The following PCDH15 variants were observed in gnomAD, a reference collection of about 807,000 sequenced individuals.
PCDH15 encodes the protein protocadherin-15.
PCDH15 carries 129 observed loss-of-function variants against 178.5 expected under a neutral mutation model. That is an observed-to-expected ratio of 0.72 (90% CI 0.63 to 0.84). The LOEUF (loss-of-function observed/expected upper bound fraction) is 0.84. Among genes scored for constraint, PCDH15 ranks in the 40% least tolerant of loss-of-function variants. The pLI, the probability that PCDH15 is intolerant of heterozygous loss-of-function variation, is 0.00. For synonymous variants in PCDH15, 800 were observed against 732.0 expected, an observed-to-expected ratio of 1.09 and a Z score of -1.50; for missense variants, 2,230 against 2,099.9, an observed-to-expected ratio of 1.06 and a Z score of -1.21.
chr10:54,589,380 C>A (rs1241678694), intron 2 of PCDH15, among the ~76,000 whole-genome samples: 1 of 152,150 alleles, frequency 6.6e-6, no homozygotes, highest in Non-Finnish European at 1.5e-5. Context: ...ACATCTTCTG[C>A]TCAAGGAGGC....
intron 2 of PCDH15, among the ~76,000 whole-genome samples, chr10:55,330,840 G>A (rs1844181382): frequency 7.6e-6 from 1 of 131,848 alleles, no homozygotes; most frequent in African/African-American, 3.6e-5. Context: ...ATTTATTTAT[G>A]TGTGTGTGTG....
chr10:54,980,080 C>T, intron 2 of PCDH15, among the ~76,000 whole-genome samples: 1 of 152,098 alleles, frequency 6.6e-6, no homozygotes, highest in East Asian at 1.9e-4. Flanking sequence ...GATTTAAAAC[C>T]TTAACCCATT....
At chr10:55,363,085 T>C (rs1264383992) in intron 2 of PCDH15, among the ~76,000 whole-genome samples, 2 of 152,200 alleles carry the variant, frequency 1.3e-5, no homozygotes, top group Non-Finnish European at 2.9e-5. Context: ...AAAGCTTGGG[T>C]TAAAGAACTG....
chr10:55,238,145 C>CTTTTTTT (rs758000610), intron 1 of PCDH15, among the ~76,000 whole-genome samples: 22 of 124,454 alleles, frequency 1.8e-4, no homozygotes, highest in Non-Finnish European at 2.5e-4. Context: ...TTCATATTTT[C>CTTTTTTT]TTTTTTTTTT....
intron 3 of PCDH15, among the ~76,000 whole-genome samples, chr10:54,430,049 CTTTT>C (rs34182878): frequency 1.0e-4 from 12 of 119,524 alleles, no homozygotes; most frequent in African/African-American, 1.6e-4. Context: ...CCTTCTTCTC[CTTTT>C]TTTTTTTTTT....
intron 2 of PCDH15, among the ~76,000 whole-genome samples, chr10:55,059,399 A>G (rs982679900): frequency 6.6e-6 from 1 of 152,174 alleles, no homozygotes; most frequent in African/African-American, 2.4e-5. Context: ...GAGAGAATAT[A>G]ATAAATGCCA....
intron 2 of PCDH15, among the ~76,000 whole-genome samples, chr10:54,580,406 T>G (rs1232869394): frequency 5.3e-5 from 8 of 151,908 alleles, no homozygotes; most frequent in Admixed American, 4.6e-4. Context: ...CTCCCCAAAT[T>G]GAATCACAAA....
chr10:54,966,457 G>T (rs1404657116), intron 2 of PCDH15, among the ~76,000 whole-genome samples: 2 of 152,020 alleles, frequency 1.3e-5, no homozygotes, highest in African/African-American at 4.8e-5. Flanking sequence ...GCATATCTAG[G>T]TTACATGGTA....
chr10:54,353,806 A>C (rs1296761683), intron 5 of PCDH15, among the ~76,000 whole-genome samples: 1 of 152,130 alleles, frequency 6.6e-6, no homozygotes, highest in Non-Finnish European at 1.5e-5. Flanking sequence ...CTAGATGATT[A>C]ATATTAAGGG....
chr10:53,918,118 T>A (rs909271763), intron 25 of PCDH15, among the ~76,000 whole-genome samples: 1 of 152,144 alleles, frequency 6.6e-6, no homozygotes, highest in African/African-American at 2.4e-5. Context: ...AATGCAAGAA[T>A]GGCCTAATAC....
intron 2 of PCDH15, among the ~76,000 whole-genome samples, chr10:54,627,544 G>A (rs1297056705): frequency 6.6e-6 from 1 of 152,154 alleles, no homozygotes; most frequent in Non-Finnish European, 1.5e-5. Flanking sequence ...CCACAATTAT[G>A]AGACTTCCTC....
intron 13 of PCDH15, among the ~76,000 whole-genome samples, chr10:54,180,200 C>T (rs1167169985): frequency 1.3e-5 from 2 of 152,276 alleles, no homozygotes; most frequent in Admixed American, 6.5e-5. Context: ...GTTCATGACC[C>T]ATGTGCATGA....
At chr10:54,765,905 T>G (rs1948450362) in intron 1 of PCDH15, among the ~76,000 whole-genome samples, 1 of 152,154 alleles carries the variant, frequency 6.6e-6, no homozygotes, top group South Asian at 2.1e-4. Context: ...CACATTACTT[T>G]TCATGCTTCA....
At chr10:55,126,695 C>G (rs968196296) in intron 2 of PCDH15, among the ~76,000 whole-genome samples, 98 of 151,938 alleles carry the variant, frequency 6.4e-4, no homozygotes, top group Non-Finnish European at 1.3e-3. Flanking sequence ...TAGATAAACT[C>G]AAAACAAAGG....
chr10:54,192,083 GAAAC>G (rs1340527090), intron 11 of PCDH15, among the ~76,000 whole-genome samples: 13 of 128,282 alleles, frequency 1.0e-4, no homozygotes, highest in African/African-American at 3.1e-4. Flanking sequence ...AAAGAAGAAA[GAAAC>G]AAAGGAAGGA....
chr10:53,987,491 A>G (rs1250175671), intron 21 of PCDH15, among the ~76,000 whole-genome samples: 1 of 152,212 alleles, frequency 6.6e-6, no homozygotes, highest in Non-Finnish European at 1.5e-5. Context: ...GCTGTTTAAA[A>G]ATGCCTAGGA....
chr10:55,107,216 G>C (rs1029755803), intron 2 of PCDH15, among the ~76,000 whole-genome samples: 2 of 152,136 alleles, frequency 1.3e-5, no homozygotes, highest in African/African-American at 2.4e-5. Context: ...GATTACCTTA[G>C]TTGTTAATTA....
intron 3 of PCDH15, among the ~76,000 whole-genome samples, chr10:54,478,382 G>A (rs921235190): frequency 6.6e-6 from 1 of 152,064 alleles, no homozygotes; most frequent in Non-Finnish European, 1.5e-5. Context: ...AACTATAAAA[G>A]CTAAATGCCC....
intron 25 of PCDH15, among the ~76,000 whole-genome samples, chr10:53,926,284 A>G (rs1214831561): frequency 6.6e-6 from 1 of 152,190 alleles, no homozygotes; most frequent in African/African-American, 2.4e-5. Context: ...AAACAAAACA[A>G]AACAAAAAAC....
Sources: gnomAD v4.1 joint callset for allele counts (sites outside exome capture counted in the v4.1 genomes callset) on GRCh38, gnomAD v4.1.1 for gene constraint, MANE v1.5 for transcripts, NCBI Gene and HGNC (gene_info 2026-07-23, HGNC 2026-07-21) for gene names.